QRSL1: variants seen among roughly 807,000 people sequenced by gnomAD.
QRSL1 encodes glutaminyl-tRNA amidotransferase subunit QRSL1, also known as glutamyl-tRNA(Gln) amidotransferase subunit A, mitochondrial.
Under a neutral mutation model 61.6 loss-of-function variants are expected in QRSL1, and 54 were observed. The ratio of observed to expected loss-of-function variants is 0.88; its 90% confidence interval spans 0.70 to 1.10. The LOEUF (loss-of-function observed/expected upper bound fraction) is 1.10, where lower values mean the gene tolerates loss of function less well. Ranked by LOEUF, QRSL1 falls within the 50% of genes least tolerant of loss-of-function variation. The probability of loss-of-function intolerance (pLI) is 0.00; values close to 1 mark genes in which losing one functional copy is unlikely to be tolerated. For missense variants in QRSL1, 505 were observed against 622.6 expected, an observed-to-expected ratio of 0.81 and a Z score of 2.01; for synonymous variants, 228 against 225.7, an observed-to-expected ratio of 1.01 and a Z score of -0.09.
intron 1 of QRSL1, among the ~76,000 whole-genome samples, chr6:106,633,530 G>A (rs1776869786): frequency 1.3e-5 from 2 of 152,120 alleles, no homozygotes; most frequent in South Asian, 4.1e-4. Context: ...GAAGCTTATG[G>A]TAACAGGAGT....
chr6:106,665,725 G>T lies in QRSL1; in HGVS notation c.1367-57G>T, dbSNP rs958212826. The T allele has an allele frequency of 2.1e-6, 3 of 1,438,950 alleles. No individual in the cohort carries two copies. In the Admixed American group the frequency reaches 5.1e-5, roughly 24 times the overall value. The allele number at this position is 1,438,950 out of a possible 1,614,324, so 89.1% of individuals were successfully genotyped here. On this transcript the variant is annotated intron_variant, in intron 10 of 10. Transcript: ENST00000369046. ...TTATTAGCACTGGAAAGTGGAAGAG[G>T]TCTCTGCTAATTAGGGTGGAGAATT...
intron 4 of QRSL1, among the ~76,000 whole-genome samples, chr6:106,645,222 T>G (rs1777088968): frequency 6.6e-6 from 1 of 152,218 alleles, no homozygotes; most frequent in Non-Finnish European, 1.5e-5. Flanking sequence ...TTCTGATATG[T>G]TTTAGAATAA....
Position 106,649,111 on chromosome 6 carries a change from C to G in QRSL1, c.467C>G (p.Pro156Arg). 6.2e-7 allele frequency: 1 copy of G among 1,614,124 alleles called. No homozygotes were observed. The highest frequency in any genetic ancestry group is 8.5e-7 in the Non-Finnish European group (1 of 1,180,022). ...TATAGAGAAAAGAGGAAGCAGAATCCCCACAGCGAGAATGAAGATTCAGAC... is the reference window on the plus strand; with the variant it reads ...TATAGAGAAAAGAGGAAGCAGAATCGCCACAGCGAGAATGAAGATTCAGAC... ...KQYREKRKQN[P>R]HSENEDSDWL... The change falls in exon 5 of 11, where the codon CCC (proline) becomes CGC (arginine). Residue 156 changes from proline (P) to arginine (R), a missense_variant. Transcript: ENST00000369046.
chr6:106,640,684 C>A, intron 2 of QRSL1, 139 bp from the exon 3 acceptor site: 1 of 975,858 alleles, frequency 1.0e-6, no homozygotes, highest in Non-Finnish European at 1.5e-6. Context: ...TAATGTCCAA[C>A]TGTATTAATT....
chr6:106,658,974 CT>C (rs1167260058), intron 9 of QRSL1, among the ~76,000 whole-genome samples: 1 of 151,912 alleles, frequency 6.6e-6, no homozygotes, highest in Non-Finnish European at 1.5e-5. Context: ...TTCCCCCAGT[CT>C]TTTTTCCTTC....
At chr6:106,646,633 A>T (rs1175931063) in intron 4 of QRSL1, among the ~76,000 whole-genome samples, 7 of 148,376 alleles carry the variant, frequency 4.7e-5, no homozygotes, top group African/African-American at 1.7e-4. Flanking sequence ...CCCTGTCTCT[A>T]CAGAAAAAAA....
Position 106,667,482 on chromosome 6 carries a change from A to G in QRSL1, c.*1480A>G, listed in dbSNP as rs531752856. 3.9e-5 allele frequency: 6 copies of G among 152,200 alleles called. No homozygotes were observed. Among genetic ancestry groups the G allele is most frequent in the African/African-American group, 7.2e-5 (3 of 41,446 alleles). 9.4% of individuals were successfully genotyped at this position (152,200 alleles called of 1,614,324 possible). A position where few individuals can be genotyped will look rare whatever the true frequency, so the allele number is the denominator to read the frequency against. ...TCAGGTATTTTAATCTAGCACTTAC[A>G]TATTGTTGATAAATGAAAGCTGAAT... On this transcript the variant is annotated 3_prime_UTR_variant, in exon 11 of 11. Coordinates refer to ENST00000369046, the MANE Select transcript of QRSL1 (RefSeq NM_018292.5).
intron 1 of QRSL1, among the ~76,000 whole-genome samples, chr6:106,637,541 G>A (rs1776943563): frequency 6.6e-6 from 1 of 152,262 alleles, no homozygotes; most frequent in East Asian, 1.9e-4. Context: ...TGCTTTGGGT[G>A]AGCGGAATGT....
At chr6:106,634,687 G>T (rs1776894104) in intron 1 of QRSL1, among the ~76,000 whole-genome samples, 1 of 151,964 alleles carries the variant, frequency 6.6e-6, no homozygotes, top group Admixed American at 6.6e-5. Flanking sequence ...GATCACTTGA[G>T]CCTCGGAGGT....
intron 8 of QRSL1, 71 bp downstream of exon 8, chr6:106,654,993 CA>C (rs35974069): frequency 1.5e-6 from 2 of 1,346,734 alleles, no homozygotes; most frequent in Non-Finnish European, 2.0e-6. Flanking sequence ...TTATTAGTGA[CA>C]AAAAAGTTAA....
At position 106,663,043 on chromosome 6, in the gene QRSL1, A is replaced by G. The variant is rs773733230; in HGVS notation, c.1224A>G (p.Val408=). The change falls in exon 10 of 11, where the codon GTA becomes GTG. Residue 408 remains valine (V), a synonymous_variant. Transcript: ENST00000369046. ...KVRRLIANDF[V]NAFNSGVDVL... ...GACGCCTCATTGCTAATGACTTTGT[A>G]AATGCTTTTAACTCTGGAGTAGATG... is the stretch of plus-strand genomic sequence containing the variant. 2 of 1,612,958 alleles carry G rather than the reference A, an allele frequency of 1.2e-6. No individual in the cohort carries two copies. Among genetic ancestry groups the G allele is most frequent in the Non-Finnish European group, 1.7e-6 (2 of 1,178,864 alleles).
In QRSL1 at chr6:106,655,108, T is replaced by C. The variant is rs188568306; in HGVS notation, c.1042+186T>C. 2.6e-5 allele frequency among the ~76,000 whole-genome samples: 4 copies of C among 152,348 alleles called. No individual in the cohort carries two copies. The East Asian group carries it at 7.7e-4, about 29-fold the overall frequency. ...ACTATTTGTCATAAATATTTGTGTATGTTTGGTTTGCTTCTCAGGACTGTG... is the reference window on the plus strand; with the variant it reads ...ACTATTTGTCATAAATATTTGTGTACGTTTGGTTTGCTTCTCAGGACTGTG... On this transcript the variant is annotated intron_variant, in intron 8 of 10. Transcript: ENST00000369046.
intron 3 of QRSL1, among the ~76,000 whole-genome samples, chr6:106,641,545 T>C (rs1777020287): frequency 6.6e-6 from 1 of 152,186 alleles, no homozygotes; most frequent in African/African-American, 2.4e-5. Flanking sequence ...TATCAAGATA[T>C]TTGGATCCTA....
At chr6:106,638,305 C>CT (rs34700933) in intron 1 of QRSL1, among the ~76,000 whole-genome samples, 89,503 of 151,120 alleles carry the variant, frequency 0.59, 26,805 homozygotes, top group Non-Finnish European at 0.63. Context: ...GTTTACATTT[C>CT]TTTTTTTTTC....
intron 5 of QRSL1, 87 bp from the exon 6 acceptor site, chr6:106,652,122 G>C: frequency 7.6e-7 from 1 of 1,320,520 alleles, no homozygotes; most frequent in Non-Finnish European, 1.0e-6. Flanking sequence ...GGAAAATACA[G>C]TTTAAAAATA....
rs1777003359 is a variant in QRSL1 at position 106,640,684 on chromosome 6, C to T, written c.185-139C>T. ...CTATGTGATGCTTCATAATGTCCAACTGTATTAATTTCTGCCATAAATTTG... is the reference window on the plus strand; with the variant it reads ...CTATGTGATGCTTCATAATGTCCAATTGTATTAATTTCTGCCATAAATTTG... On this transcript the variant is annotated intron_variant, in intron 2 of 10. Transcript: ENST00000369046. 5.1e-6 allele frequency: 5 copies of T among 975,860 alleles called. No individual in the cohort carries two copies. The South Asian group carries it at 6.5e-5, about 13-fold the overall frequency. The allele number at this position is 975,860 out of a possible 1,614,324, so 60.5% of individuals were successfully genotyped here. A position where few individuals can be genotyped will look rare whatever the true frequency, so the allele number is the denominator to read the frequency against.
rs1177849683 is a variant in QRSL1, at chr6:106,639,119, G to GTTTTTTTTTTTTTTTTTTT, written c.25-1221_25-1203dup. 7.3e-5 allele frequency among the ~76,000 whole-genome samples: 9 copies of GTTTTTTTTTTTTTTTTTTT among 122,798 alleles called. 1 individual carries two copies. The highest frequency in any genetic ancestry group is 2.3e-4 in the African/African-American group (7 of 30,090). The allele number at this position is 122,798 out of a possible 152,430, so 80.6% of individuals were successfully genotyped here. On this transcript the variant is annotated intron_variant, in intron 1 of 10. Coordinates refer to ENST00000369046, the MANE Select transcript of QRSL1 (RefSeq NM_018292.5). Reference sequence around the variant, plus strand: ...TGTGTGGTTATTTGTGTGTTTTGTTGTTTTTTTTTTTTTTTTTTTTTTTTT... The same window carrying GTTTTTTTTTTTTTTTTTTT: ...TGTGTGGTTATTTGTGTGTTTTGTTGTTTTTTTTTTTTTTTTTTTTTTTTTTTTTTTTTTTTTTTTTTTT...
chr6:106,634,084 T>C (rs1236104716), intron 1 of QRSL1, among the ~76,000 whole-genome samples: 3 of 152,054 alleles, frequency 2.0e-5, no homozygotes, highest in Non-Finnish European at 4.4e-5. Flanking sequence ...ATTTCTCTGA[T>C]TGAGTGAATA....
At chr6:106,642,883 G>T (rs1163742833) in intron 3 of QRSL1, 111 bp from the exon 4 acceptor site, 1 of 845,342 alleles carries the variant, frequency 1.2e-6, no homozygotes, top group South Asian at 1.4e-5. Context: ...CCAATGGGAA[G>T]GCTCCTGAGC....
Sources: gnomAD v4.1 joint callset for allele counts (sites outside exome capture counted in the v4.1 genomes callset) on GRCh38, gnomAD v4.1.1 for gene constraint, MANE v1.5 for transcripts, NCBI Gene and HGNC (gene_info 2026-07-23, HGNC 2026-07-21) for gene names.